The following ARHGAP24 variants were observed in gnomAD, a reference collection of about 807,000 sequenced individuals.
ARHGAP24 encodes the protein Rho GTPase activating protein 24, also known as rho GTPase-activating protein 24.
In ARHGAP24, 50 loss-of-function variants were observed where a neutral mutation model predicts 76.4. That is an observed-to-expected ratio of 0.65 (90% confidence interval 0.52 to 0.83). The LOEUF (loss-of-function observed/expected upper bound fraction) is 0.83, where lower values mean the gene tolerates loss of function less well. ARHGAP24 is among the 40% of genes least tolerant of loss of function. The probability of loss-of-function intolerance (pLI) is 0.00; values close to 1 mark genes in which losing one functional copy is unlikely to be tolerated. For synonymous variants in ARHGAP24, 345 were observed against 323.3 expected, an observed-to-expected ratio of 1.07 and a Z score of -0.72; for missense variants, 930 against 914.2, an observed-to-expected ratio of 1.02 and a Z score of -0.22.
At position 85,883,767 on chromosome 4, in the gene ARHGAP24, G is replaced by A. The variant is rs554933046; in HGVS notation, c.269-39881G>A. ...ACACACAGACAGATGTTAGCAGAAC[G>A]TAACACAAATTATGAAGCCATACAA... is the stretch of plus-strand genomic sequence containing the variant. On this transcript the variant is annotated intron_variant, in intron 3 of 9. Transcript: ENST00000395184. Among the ~76,000 whole-genome samples the A allele has an allele frequency of 1.6e-4, 24 of 151,468 alleles. No homozygotes were observed. The South Asian group carries it at 3.7e-3, about 24-fold the overall frequency.
chr4:85,868,629 G>A (rs1482678950), intron 3 of ARHGAP24, among the ~76,000 whole-genome samples: 1 of 152,094 alleles, frequency 6.6e-6, no homozygotes, highest in Non-Finnish European at 1.5e-5. Context: ...AAAAGGATTA[G>A]GTGAAAACTA....
chr4:85,559,564 C>T (rs1047277399), intron 1 of ARHGAP24, among the ~76,000 whole-genome samples: 1 of 152,178 alleles, frequency 6.6e-6, no homozygotes, highest in African/African-American at 2.4e-5. Flanking sequence ...CTGGGCCTCC[C>T]CAAATTTCTT....
chr4:85,829,165 A>C (rs1729865907), intron 3 of ARHGAP24, among the ~76,000 whole-genome samples: 1 of 152,186 alleles, frequency 6.6e-6, no homozygotes, highest in Admixed American at 6.5e-5. Flanking sequence ...ATTAATTTGG[A>C]TTCTGTTGCT....
chr4:85,606,126 A>AAT (rs1299362262), intron 2 of ARHGAP24, among the ~76,000 whole-genome samples: 5 of 152,192 alleles, frequency 3.3e-5, no homozygotes, highest in African/African-American at 1.2e-4. Context: ...AAATGTTTTG[A>AAT]ATACCTACTA....
intron 3 of ARHGAP24, among the ~76,000 whole-genome samples, chr4:85,768,272 A>G (rs762897973): frequency 1.3e-5 from 2 of 152,252 alleles, no homozygotes; most frequent in Non-Finnish European, 2.9e-5. Context: ...GTGAAAATCT[A>G]AAGTCGTCCA....
chr4:85,544,842 T>C (rs926248027), intron 1 of ARHGAP24, among the ~76,000 whole-genome samples: 2 of 152,152 alleles, frequency 1.3e-5, no homozygotes, highest in Non-Finnish European at 2.9e-5. Flanking sequence ...CACTGGCATT[T>C]AAAACACCTT....
At chr4:85,554,668 A>G (rs1343171669) in intron 1 of ARHGAP24, among the ~76,000 whole-genome samples, 1 of 151,144 alleles carries the variant, frequency 6.6e-6, no homozygotes, top group Admixed American at 6.6e-5. Flanking sequence ...TATTATTATT[A>G]TTTTTTCTTC....
intron 5 of ARHGAP24, among the ~76,000 whole-genome samples, chr4:85,964,497 C>T (rs1172212959): frequency 6.6e-6 from 1 of 151,640 alleles, no homozygotes; most frequent in Non-Finnish European, 1.5e-5. Context: ...TGCAGGTTAT[C>T]CAGGAAAACA....
chr4:85,682,212 TA>T (rs1412302834), intron 2 of ARHGAP24, among the ~76,000 whole-genome samples: 6 of 152,202 alleles, frequency 3.9e-5, no homozygotes, highest in African/African-American at 1.4e-4. Context: ...AACAAAGATG[TA>T]AAGAAACCAT....
chr4:85,529,076 A>G (rs899757901), intron 1 of ARHGAP24, among the ~76,000 whole-genome samples: 33 of 152,158 alleles, frequency 2.2e-4, no homozygotes, highest in African/African-American at 7.2e-4. Context: ...TCTCATGTAT[A>G]TCCAGTAGTA....
chr4:85,619,875 G>A (rs1020085021), intron 2 of ARHGAP24, among the ~76,000 whole-genome samples: 1 of 151,644 alleles, frequency 6.6e-6, no homozygotes, highest in East Asian at 1.9e-4. Context: ...ATCATGAAAT[G>A]ATCTTATTTT....
chr4:85,876,407 T>C (rs1285422605), intron 3 of ARHGAP24, among the ~76,000 whole-genome samples: 1 of 152,152 alleles, frequency 6.6e-6, no homozygotes. Context: ...TTTCTTAAAA[T>C]TGAATGCTAT....
chr4:85,712,131 A>C (rs1486681485), intron 2 of ARHGAP24, among the ~76,000 whole-genome samples: 3 of 152,152 alleles, frequency 2.0e-5, no homozygotes, highest in African/African-American at 7.2e-5. Context: ...AAAGTTGTAA[A>C]ATGACATTTA....
At chr4:85,879,330 T>C (rs1408202897) in intron 3 of ARHGAP24, among the ~76,000 whole-genome samples, 14 of 152,280 alleles carry the variant, frequency 9.2e-5, no homozygotes, top group East Asian at 1.9e-4. Context: ...TAAGCATCTT[T>C]ATATATCCTG....
Position 86,000,080 on chromosome 4 carries a change from C to CTTTTT in ARHGAP24, c.2004-387_2004-383dup, listed in dbSNP as rs35831725. On this transcript the variant is annotated intron_variant, in intron 9 of 9. Coordinates refer to ENST00000395184, the MANE Select transcript of ARHGAP24 (RefSeq NM_001025616.3). ...TATAGAAGGCAAATGTTATTGCCCT[C>CTTTTT]TTTTTTTTTTTTTTTTGTTAACTAT... 6.2e-4 allele frequency: 89 copies of CTTTTT among 143,490 alleles called. 2 individuals carry two copies. Among genetic ancestry groups the CTTTTT allele is most frequent in the African/African-American group, 2.1e-3 (79 of 37,106 alleles). The allele number at this position is 143,490 out of a possible 1,614,324, so 8.9% of individuals were successfully genotyped here.
At chr4:85,752,097 T>C (rs2110067251) in intron 3 of ARHGAP24, among the ~76,000 whole-genome samples, 1 of 152,256 alleles carries the variant, frequency 6.6e-6, no homozygotes, top group South Asian at 2.1e-4. Flanking sequence ...AACATGCATC[T>C]GGAACCATTT....
intron 1 of ARHGAP24, among the ~76,000 whole-genome samples, chr4:85,494,410 T>C (rs1723475918): frequency 6.6e-6 from 1 of 152,140 alleles, no homozygotes; most frequent in African/African-American, 2.4e-5. Context: ...GTAACATTAT[T>C]ATACATTTTT....
chr4:85,612,374 G>GTGCACTCCATGAGCCTCAC (rs1553917822), intron 2 of ARHGAP24, among the ~76,000 whole-genome samples: 2 of 145,762 alleles, frequency 1.4e-5, no homozygotes, highest in Admixed American at 7.0e-5. Flanking sequence ...AGTGAGCCGA[G>GTGCACTCCATGAGCCTCAC]TGCACTCCAC....
At chr4:85,668,774 G>A (rs1722724277) in intron 2 of ARHGAP24, among the ~76,000 whole-genome samples, 1 of 152,160 alleles carries the variant, frequency 6.6e-6, no homozygotes, top group Non-Finnish European at 1.5e-5. Context: ...TTGACCCAGA[G>A]AACAATGAGG....
Sources: allele counts gnomAD v4.1 joint callset (sites outside exome capture counted in the v4.1 genomes callset), GRCh38; gene constraint gnomAD v4.1.1; transcripts MANE v1.5; gene names NCBI Gene and HGNC (gene_info 2026-07-23, HGNC 2026-07-21).